FBXO38: variants seen among roughly 807,000 people sequenced by gnomAD.
FBXO38 encodes the protein F-box only protein 38.
Under a neutral mutation model 131.9 loss-of-function variants are expected in FBXO38, and 53 were observed. The observed-to-expected ratio is 0.40, with a 90% confidence interval of 0.32 to 0.51. The LOEUF (loss-of-function observed/expected upper bound fraction) is 0.51, where lower values mean the gene tolerates loss of function less well. Among genes scored for constraint, FBXO38 ranks in the 20% least tolerant of loss-of-function variants. The pLI, the probability that FBXO38 is intolerant of heterozygous loss-of-function variation, is 0.53. For synonymous variants in FBXO38, 452 were observed against 505.6 expected (o/e 0.89, Z 1.42); for missense variants, 1,076 against 1,475.6 (o/e 0.73, Z 4.44).
chr5:148,429,702 C>A (rs1400531648), intron 15 of FBXO38, among the ~76,000 whole-genome samples: 1 of 152,026 alleles, frequency 6.6e-6, no homozygotes, highest in Non-Finnish European at 1.5e-5. Context: ...TGTCGTTTTA[C>A]TTATGTCTCT....
At chr5:148,441,047 T>G in intron 20 of FBXO38, 77 bp from the exon 21 acceptor site, 1 of 922,912 alleles carries the variant, frequency 1.1e-6, no homozygotes, top group Non-Finnish European at 1.8e-6. Context: ...TATTTTACAT[T>G]CTGCTTACAA....
chr5:148,385,860 C>G (rs1165439256), intron 1 of FBXO38, among the ~76,000 whole-genome samples: 1 of 152,032 alleles, frequency 6.6e-6, no homozygotes, highest in Non-Finnish European at 1.5e-5. Flanking sequence ...AAGCCCTTGA[C>G]CAGATAGGAT....
At chr5:148,439,572 T>C (rs1486663418) in intron 18 of FBXO38, 75 bp from the exon 19 acceptor site, 11 of 1,397,892 alleles carry the variant, frequency 7.9e-6, no homozygotes, top group Non-Finnish European at 1.1e-5. Flanking sequence ...CATGGAAAGA[T>C]TGTTCAAGCT....
intron 21 of FBXO38, chr5:148,441,527 A>G (rs919493444): frequency 8.2e-6 from 2 of 244,070 alleles, no homozygotes; most frequent in African/African-American, 4.5e-5. Flanking sequence ...AACTTCAACT[A>G]TATTGTTTCA....
At chr5:148,384,286 A>T (rs1288090303) in intron 1 of FBXO38, among the ~76,000 whole-genome samples, 1 of 152,158 alleles carries the variant, frequency 6.6e-6, no homozygotes, top group South Asian at 2.1e-4. Flanking sequence ...TCCAGCATAA[A>T]GAACTCTCTC....
intron 1 of FBXO38, among the ~76,000 whole-genome samples, chr5:148,386,869 CTAAAG>C (rs571704030): frequency 2.9e-4 from 44 of 152,086 alleles, no homozygotes; most frequent in Admixed American, 1.2e-3. Context: ...AGCATTATAT[CTAAAG>C]TAATGTATAC....
chr5:148,422,802 C>T (rs1561535658), intron 12 of FBXO38, among the ~76,000 whole-genome samples: 1 of 152,176 alleles, frequency 6.6e-6, no homozygotes, highest in African/African-American at 2.4e-5. Context: ...ATGCCATTCC[C>T]TGCATAAAAA....
chr5:148,421,427 G>A (rs553489963), intron 12 of FBXO38, among the ~76,000 whole-genome samples: 5 of 152,024 alleles, frequency 3.3e-5, no homozygotes, highest in African/African-American at 1.2e-4. Flanking sequence ...TACACTTTGG[G>A]GCAGGTAGTT....
At chr5:148,405,957 G>C (rs111270563) in intron 6 of FBXO38, among the ~76,000 whole-genome samples, 74 of 152,276 alleles carry the variant, frequency 4.9e-4, no homozygotes, top group African/African-American at 1.7e-3. Flanking sequence ...CTTGAGTGAA[G>C]GATCAAATTT....
chr5:148,400,443 C>T (rs980635464), intron 3 of FBXO38, among the ~76,000 whole-genome samples: 1 of 152,138 alleles, frequency 6.6e-6, no homozygotes, highest in Admixed American at 6.6e-5. Flanking sequence ...CTACCACTTA[C>T]CAATTAGAGA....
In FBXO38 at chr5:148,394,734, C is replaced by T; in HGVS notation, c.-43C>T. 6.8e-7 allele frequency: 1 copy of T among 1,471,066 alleles called. No homozygotes were observed. The highest frequency in any genetic ancestry group is 2.5e-5 in the Admixed American group (1 of 39,950). 91.1% of individuals were successfully genotyped at this position (1,471,066 alleles called of 1,614,324 possible). A position where few individuals can be genotyped will look rare whatever the true frequency, so the allele number is the denominator to read the frequency against. ...TTCAGGTACTTTGAACTCAAGTAAA[C>T]AAAAGGGAAGATTTTCTCGTTGATA... is the stretch of plus-strand genomic sequence containing the variant. On this transcript the variant is annotated 5_prime_UTR_variant, in exon 2 of 22. Coordinates refer to ENST00000340253, the MANE Select transcript of FBXO38 (RefSeq NM_205836.3).
rs758427115 is a variant in FBXO38, at chr5:148,404,827, T to G, written c.730+5T>G. 1 of 1,590,986 alleles carries G rather than the reference T, an allele frequency of 6.3e-7. No homozygotes were observed. Reference sequence around the variant, plus strand: ...TCGTCATGAGGAACTGTGCAGGTAATGGTACACAATTATGGTGGAATTAAA... The same window carrying G: ...TCGTCATGAGGAACTGTGCAGGTAAGGGTACACAATTATGGTGGAATTAAA... On this transcript the variant is annotated splice_donor_5th_base_variant and intron_variant, in intron 6 of 21. Coordinates refer to ENST00000340253, the MANE Select transcript of FBXO38 (RefSeq NM_205836.3).
At chr5:148,409,259 A>ACT (rs781268841) in intron 8 of FBXO38, 42 bp downstream of exon 8, 2 of 1,307,102 alleles carry the variant, frequency 1.5e-6, no homozygotes, top group Non-Finnish European at 2.2e-6. Context: ...TTTAGAAGTA[A>ACT]TTATGTTTTT....
chr5:148,420,025 T>TA (rs1753317320), intron 12 of FBXO38, among the ~76,000 whole-genome samples: 2 of 152,128 alleles, frequency 1.3e-5, no homozygotes, highest in South Asian at 4.1e-4. Context: ...TCTTAGAACT[T>TA]AGAGTACTTA....
intron 1 of FBXO38, chr5:148,384,949 C>T (rs1757833242): frequency 6.6e-6 from 1 of 152,190 alleles, no homozygotes; most frequent in Non-Finnish European, 1.5e-5. Flanking sequence ...CCCTTCCTCT[C>T]TCTGAACTTG....
In FBXO38 at chr5:148,399,068, A is replaced by C; in HGVS notation, c.198A>C (p.Leu66=). ...GGAAGCTAAAGGAAGCAGTGACCCT[A>C]TATCTGCGAGTTGTGAGAGTTGTAG... is the stretch of plus-strand genomic sequence containing the variant. ...LSRKLKEAVT[L]YLRVVRVVDL... is the part of the protein sequence containing the mutation. The change falls in exon 3 of 22, where the codon CTA becomes CTC. Residue 66 remains leucine (L), a synonymous_variant. Coordinates refer to ENST00000340253, the MANE Select transcript of FBXO38 (RefSeq NM_205836.3). 1 of 1,613,550 alleles carries C rather than the reference A, an allele frequency of 6.2e-7. No homozygotes were observed. Among genetic ancestry groups the C allele is most frequent in the Non-Finnish European group, 8.5e-7 (1 of 1,179,650 alleles).
At chr5:148,410,812 A>T (rs543164523) in intron 9 of FBXO38, 47 bp downstream of exon 9, 1 of 1,536,334 alleles carries the variant, frequency 6.5e-7, no homozygotes, top group South Asian at 1.2e-5. Context: ...TAAGAAATTT[A>T]CTTGACAAAC....
intron 3 of FBXO38, among the ~76,000 whole-genome samples, chr5:148,400,351 G>C (rs978604593): frequency 1.3e-5 from 2 of 152,076 alleles, no homozygotes; most frequent in Admixed American, 6.6e-5. Context: ...AGGCCAGCTG[G>C]AATTCTGAAG....
At chr5:148,429,722 T>G (rs945243974) in intron 15 of FBXO38, among the ~76,000 whole-genome samples, 1 of 152,140 alleles carries the variant, frequency 6.6e-6, no homozygotes, top group Non-Finnish European at 1.5e-5. Flanking sequence ...TTGATAAAAT[T>G]TTACCGTTTT....
Sources: allele counts gnomAD v4.1 joint callset (sites outside exome capture counted in the v4.1 genomes callset), GRCh38; gene constraint gnomAD v4.1.1; transcripts MANE v1.5; gene names NCBI Gene and HGNC (gene_info 2026-07-23, HGNC 2026-07-21).